CCSER1: variants seen among roughly 807,000 people sequenced by gnomAD.
CCSER1 encodes the protein serine-rich coiled-coil domain-containing protein 1.
A neutral mutation model predicts 82.0 loss-of-function variants in CCSER1; 41 were observed. The ratio of observed to expected loss-of-function variants is 0.50; its 90% CI spans 0.39 to 0.65. The LOEUF is 0.65. Ranked by LOEUF, CCSER1 falls within the 30% of genes least tolerant of loss-of-function variation. The pLI, the probability that CCSER1 is intolerant of heterozygous loss-of-function variation, is 0.00. For synonymous variants in CCSER1, 414 were observed against 383.9 expected (o/e 1.08, Z -0.92); for missense variants, 1,119 against 1,064.2 (o/e 1.05, Z -0.72).
At chr4:90,131,254 G>A (rs1443960175) in intron 1 of CCSER1, among the ~76,000 whole-genome samples, 1 of 152,190 alleles carries the variant, frequency 6.6e-6, no homozygotes, top group East Asian at 1.9e-4. Context: ...ACTCTCCTCG[G>A]CCTCCCGAAG....
At chr4:90,345,002 T>C (rs1414666095) in intron 3 of CCSER1, among the ~76,000 whole-genome samples, 1 of 152,120 alleles carries the variant, frequency 6.6e-6, no homozygotes, top group African/African-American at 2.4e-5. Flanking sequence ...GATTCCCATG[T>C]TTGACAGTTT....
At chr4:91,197,771 G>A (rs7680469) in intron 10 of CCSER1, among the ~76,000 whole-genome samples, 2 of 151,978 alleles carry the variant, frequency 1.3e-5, no homozygotes, top group South Asian at 4.2e-4. Context: ...CTCACTATAC[G>A]TGCCCCCATG....
intron 10 of CCSER1, among the ~76,000 whole-genome samples, chr4:91,533,908 C>G (rs1233293870): frequency 6.6e-6 from 1 of 151,892 alleles, no homozygotes. Flanking sequence ...TATGTAGCTT[C>G]TTTCTCTGCT....
At chr4:91,286,046 T>C (rs1217112729) in intron 10 of CCSER1, among the ~76,000 whole-genome samples, 2 of 151,760 alleles carry the variant, frequency 1.3e-5, no homozygotes, top group Non-Finnish European at 3.0e-5. Context: ...AAGTTTAGTT[T>C]TTTTTTTAAT....
Position 90,467,712 on chromosome 4 carries a change from G to A in CCSER1, c.1604-522G>A, listed in dbSNP as rs555304291. On this transcript the variant is annotated intron_variant, in intron 4 of 10. Coordinates refer to ENST00000509176, the MANE Select transcript of CCSER1 (RefSeq NM_001145065.2). ...AACAAAACAAAACCAAAAAAAAAAAGAAAAGAATATGCTCACAAAAGAATA... is the reference window on the plus strand; with the variant it reads ...AACAAAACAAAACCAAAAAAAAAAAAAAAAGAATATGCTCACAAAAGAATA... 2.0e-5 allele frequency among the ~76,000 whole-genome samples: 3 copies of A among 150,604 alleles called. No homozygotes were observed. The South Asian group carries it at 6.3e-4, about 32-fold the overall frequency.
chr4:90,974,216 A>C (rs1735387625), intron 9 of CCSER1, among the ~76,000 whole-genome samples: 1 of 151,564 alleles, frequency 6.6e-6, no homozygotes. Context: ...AAGTGTTCTC[A>C]ATATCTACAA....
At chr4:90,639,163 CAATT>C (rs1320926782) in intron 6 of CCSER1, among the ~76,000 whole-genome samples, 2 of 151,054 alleles carry the variant, frequency 1.3e-5, no homozygotes, top group African/African-American at 2.4e-5. Flanking sequence ...AAAAATATAA[CAATT>C]AAAAAAGCAT....
chr4:91,346,231 G>C (rs777605401), intron 10 of CCSER1, among the ~76,000 whole-genome samples: 9 of 151,962 alleles, frequency 5.9e-5, no homozygotes, highest in Non-Finnish European at 1.2e-4. Context: ...TGGCCAGGAT[G>C]GTCTCGACCT....
chr4:91,107,063 G>A (rs1725688163), intron 10 of CCSER1, among the ~76,000 whole-genome samples: 1 of 152,018 alleles, frequency 6.6e-6, no homozygotes, highest in Non-Finnish European at 1.5e-5. Flanking sequence ...GTTTAGATAT[G>A]CTTAGATACA....
In CCSER1 at chr4:90,313,049, T is replaced by C. The variant is rs745416753; in HGVS notation, c.1509+2T>C. The stretch of plus-strand genomic sequence containing the variant: ...TCATCTTCAAAAATGAACAGTTTGG[T>C]AAGTATATACATATGTCTGCCTCTA... On this transcript the variant is annotated splice_donor_variant, in intron 3 of 10. Transcript: ENST00000509176. LOFTEE classifies it high-confidence loss of function. 2.5e-6 allele frequency: 4 copies of C among 1,589,364 alleles called. No individual in the cohort carries two copies. In the South Asian group the frequency reaches 4.6e-5, roughly 18 times the overall value.
At chr4:90,432,444 A>G (rs1758409113) in intron 4 of CCSER1, among the ~76,000 whole-genome samples, 1 of 152,168 alleles carries the variant, frequency 6.6e-6, no homozygotes, top group African/African-American at 2.4e-5. Flanking sequence ...ACGACATTGT[A>G]ATGTTTTTTC....
At chr4:91,366,387 G>A (rs960539625) in intron 10 of CCSER1, among the ~76,000 whole-genome samples, 3 of 152,088 alleles carry the variant, frequency 2.0e-5, no homozygotes, top group African/African-American at 4.8e-5. Context: ...ACAAATCCTG[G>A]CATTGTACCA....
At chr4:90,272,215 A>G (rs937913672) in intron 1 of CCSER1, among the ~76,000 whole-genome samples, 1 of 152,144 alleles carries the variant, frequency 6.6e-6, no homozygotes, top group African/African-American at 2.4e-5. Flanking sequence ...ACAGTTCTGT[A>G]GGAACAATCT....
chr4:91,548,738 C>T (rs2110216762), intron 10 of CCSER1, among the ~76,000 whole-genome samples: 1 of 151,998 alleles, frequency 6.6e-6, no homozygotes, highest in East Asian at 1.9e-4. Flanking sequence ...TTTTTCTTTG[C>T]TTCTCTGTAG....
At chr4:90,206,095 T>A (rs1400728076) in intron 1 of CCSER1, among the ~76,000 whole-genome samples, 1 of 152,162 alleles carries the variant, frequency 6.6e-6, no homozygotes, top group East Asian at 1.9e-4. Flanking sequence ...TCTTTTCTTC[T>A]TTATTAGTCT....
At chr4:90,944,209 G>A (rs1731957259) in intron 9 of CCSER1, among the ~76,000 whole-genome samples, 1 of 145,656 alleles carries the variant, frequency 6.9e-6, no homozygotes, top group South Asian at 2.2e-4. Flanking sequence ...TCCAGCCTGG[G>A]TGACAGAGCG....
At chr4:91,291,283 G>T (rs747343138) in intron 10 of CCSER1, among the ~76,000 whole-genome samples, 20 of 151,870 alleles carry the variant, frequency 1.3e-4, no homozygotes, top group Non-Finnish European at 2.8e-4. Flanking sequence ...AGCAGTTAGG[G>T]CCCATTGATA....
At chr4:91,041,710 A>G (rs973140978) in intron 9 of CCSER1, among the ~76,000 whole-genome samples, 1 of 152,210 alleles carries the variant, frequency 6.6e-6, no homozygotes, top group Non-Finnish European at 1.5e-5. Flanking sequence ...CCAGCATAAA[A>G]TACCTGGCTT....
At chr4:90,480,493 G>C (rs1023585075) in intron 5 of CCSER1, among the ~76,000 whole-genome samples, 3 of 152,106 alleles carry the variant, frequency 2.0e-5, no homozygotes, top group Non-Finnish European at 4.4e-5. Flanking sequence ...TTTTCTTCTA[G>C]GGTTTTTATG....
Sources: allele counts gnomAD v4.1 joint callset (sites outside exome capture counted in the v4.1 genomes callset), GRCh38; gene constraint gnomAD v4.1.1; transcripts MANE v1.5; gene names NCBI Gene and HGNC (gene_info 2026-07-23, HGNC 2026-07-21).